The following GPC5 variants were observed in gnomAD, a reference collection of about 807,000 sequenced individuals.
GPC5 encodes glypican-5.
In GPC5, 47 loss-of-function variants were observed where a neutral mutation model predicts 53.9. The ratio of observed to expected loss-of-function variants is 0.87; its 90% CI spans 0.69 to 1.11. GPC5 has a LOEUF of 1.11. GPC5 is among the 50% of genes most tolerant of loss of function. The probability of loss-of-function intolerance (pLI) is 0.00; values close to 1 mark genes in which losing one functional copy is unlikely to be tolerated. For synonymous variants in GPC5, 286 were observed against 263.3 expected (o/e 1.09, Z -0.84); for missense variants, 748 against 713.1 (o/e 1.05, Z -0.56).
intron 7 of GPC5, among the ~76,000 whole-genome samples, chr13:92,222,761 A>G (rs1163801355): frequency 6.6e-6 from 1 of 152,184 alleles, no homozygotes; most frequent in Non-Finnish European, 1.5e-5. Context: ...TTATTCTCAT[A>G]GGATTTCAAG....
chr13:92,733,538 G>A (rs1888862273), intron 7 of GPC5, among the ~76,000 whole-genome samples: 1 of 151,660 alleles, frequency 6.6e-6, no homozygotes, highest in African/African-American at 2.4e-5. Flanking sequence ...CAACTGAGTT[G>A]ATTAAAACAA....
At chr13:92,102,934 C>T (rs1416278116) in intron 6 of GPC5, among the ~76,000 whole-genome samples, 9 of 152,176 alleles carry the variant, frequency 5.9e-5, no homozygotes, top group Admixed American at 5.9e-4. Context: ...ACCAGCAAGG[C>T]TCACTGTAGC....
intron 7 of GPC5, among the ~76,000 whole-genome samples, chr13:92,847,094 G>T (rs1878637264): frequency 6.6e-6 from 1 of 152,004 alleles, no homozygotes; most frequent in African/African-American, 2.4e-5. Flanking sequence ...ATTCTCTCTG[G>T]ATTTTATACT....
At chr13:92,832,946 T>A (rs1025546403) in intron 7 of GPC5, among the ~76,000 whole-genome samples, 1 of 152,106 alleles carries the variant, frequency 6.6e-6, no homozygotes, top group Non-Finnish European at 1.5e-5. Flanking sequence ...AGGCGGAGGT[T>A]GCAGTGAGCC....
chr13:92,768,045 A>G (rs965532025), intron 7 of GPC5, among the ~76,000 whole-genome samples: 2 of 152,210 alleles, frequency 1.3e-5, no homozygotes, highest in African/African-American at 4.8e-5. Context: ...GTATTTCCCT[A>G]GAAAATATGT....
At chr13:92,355,882 ATTTTTTT>A (rs57295384) in intron 7 of GPC5, among the ~76,000 whole-genome samples, 1 of 126,156 alleles carries the variant, frequency 7.9e-6, no homozygotes, top group Non-Finnish European at 1.7e-5. Context: ...TGACCCTATC[ATTTTTTT>A]TTTTTTTTTT....
At position 91,991,568 on chromosome 13, in the gene GPC5, C is replaced by T. The variant is rs543914876; in HGVS notation, c.1401+83511C>T. 1.5e-3 allele frequency among the ~76,000 whole-genome samples: 224 copies of T among 146,546 alleles called. 1 individual carries two copies. In the Middle Eastern group the frequency reaches 0.052, roughly 34 times the overall value. The stretch of plus-strand genomic sequence containing the variant: ...GGGATAAAGGAAGAATTTTTTTTTT[C>T]TCTCTCTCTCTATACACACACTCAC... On this transcript the variant is annotated intron_variant, in intron 6 of 7. Coordinates refer to ENST00000377067, the MANE Select transcript of GPC5 (RefSeq NM_004466.6).
Position 92,613,604 on chromosome 13 carries a change from ATTTAT to A in GPC5, c.1562-252671_1562-252667del, listed in dbSNP as rs1175087942. 6.6e-3 allele frequency among the ~76,000 whole-genome samples: 806 copies of A among 122,764 alleles called. 7 individuals are homozygous for A. Among genetic ancestry groups the A allele is most frequent in the African/African-American group, 0.023 (757 of 32,974 alleles). 80.5% of individuals were successfully genotyped at this position (122,764 alleles called of 152,430 possible). On this transcript the variant is annotated intron_variant, in intron 7 of 7. Transcript: ENST00000377067. ...AATATTTTATATATCATTTTATTAT[ATTTAT>A]TTTATTATTTTATTTATTATATTTT...
chr13:91,833,893 G>A (rs2038692388), intron 5 of GPC5, among the ~76,000 whole-genome samples: 1 of 152,106 alleles, frequency 6.6e-6, no homozygotes, highest in Non-Finnish European at 1.5e-5. Flanking sequence ...GTTCTGGCCA[G>A]GGCAATCAAG....
At chr13:92,526,906 T>C (rs1881303797) in intron 7 of GPC5, among the ~76,000 whole-genome samples, 1 of 151,478 alleles carries the variant, frequency 6.6e-6, no homozygotes, top group Admixed American at 6.6e-5. Context: ...TATTAATAAC[T>C]GTGCTTGTGA....
chr13:92,118,048 T>A (rs1208325890), intron 6 of GPC5, among the ~76,000 whole-genome samples: 1 of 152,076 alleles, frequency 6.6e-6, no homozygotes, highest in African/African-American at 2.4e-5. Flanking sequence ...AATCAGAGAG[T>A]CGCCATTAAG....
At chr13:91,859,135 A>G (rs2038998921) in intron 5 of GPC5, among the ~76,000 whole-genome samples, 1 of 150,248 alleles carries the variant, frequency 6.7e-6, no homozygotes, top group Admixed American at 6.6e-5. Flanking sequence ...TTTTCATTTC[A>G]ATTTCATTAA....
At chr13:91,609,748 C>T (rs957714159) in intron 2 of GPC5, among the ~76,000 whole-genome samples, 2 of 152,198 alleles carry the variant, frequency 1.3e-5, no homozygotes, top group Admixed American at 6.5e-5. Context: ...ACCCCCAAAG[C>T]ATTGCACTCT....
At chr13:92,319,923 T>C (rs983793036) in intron 7 of GPC5, among the ~76,000 whole-genome samples, 7 of 152,186 alleles carry the variant, frequency 4.6e-5, no homozygotes, top group African/African-American at 1.7e-4. Flanking sequence ...AGTCATTTAA[T>C]TTGTCATTGC....
At chr13:91,911,006 TAAGGAGAAGA>T (rs1338684452) in intron 6 of GPC5, among the ~76,000 whole-genome samples, 1 of 152,010 alleles carries the variant, frequency 6.6e-6, no homozygotes, top group African/African-American at 2.4e-5. Context: ...TGATTCTGAA[TAAGGAGAAGA>T]AAGGAGTCAC....
At position 92,188,940 on chromosome 13, in the gene GPC5, G is replaced by A. The variant is rs115266812; in HGVS notation, c.1561+43951G>A. Among the ~76,000 whole-genome samples, 775 of 152,270 alleles carry A rather than the reference G, an allele frequency of 5.1e-3. 8 individuals are homozygous for A. The highest frequency in any genetic ancestry group is 0.018 in the African/African-American group (742 of 41,542). The stretch of plus-strand genomic sequence containing the variant: ...GGCAATCACTGCCCTAAAACTTGGA[G>A]AGACAGGCAGGTACAAAACATCACA... On this transcript the variant is annotated intron_variant, in intron 7 of 7. Transcript: ENST00000377067.
intron 7 of GPC5, among the ~76,000 whole-genome samples, chr13:92,429,653 G>A (rs1044319931): frequency 4.0e-5 from 6 of 151,662 alleles, no homozygotes; most frequent in Admixed American, 3.3e-4. Flanking sequence ...CAACCTCTCT[G>A]GAAATTTTAC....
intron 6 of GPC5, among the ~76,000 whole-genome samples, chr13:92,079,112 C>T (rs1454703849): frequency 1.3e-5 from 2 of 152,072 alleles, no homozygotes; most frequent in Admixed American, 6.5e-5. Flanking sequence ...AGTGCAGTGG[C>T]ATGATCTTGG....
intron 7 of GPC5, among the ~76,000 whole-genome samples, chr13:92,445,941 C>T (rs1877803093): frequency 6.6e-6 from 1 of 151,352 alleles, no homozygotes; most frequent in Non-Finnish European, 1.5e-5. Flanking sequence ...TATCATTGGT[C>T]TTTTTTTTAA....
Sources: gnomAD v4.1 joint callset for allele counts (sites outside exome capture counted in the v4.1 genomes callset) on GRCh38, gnomAD v4.1.1 for gene constraint, MANE v1.5 for transcripts, NCBI Gene and HGNC (gene_info 2026-07-23, HGNC 2026-07-21) for gene names.